Variants in CRYBG3 observed in about 807,000 individuals in gnomAD.
CRYBG3 encodes the protein very large A-kinase anchor protein.
CRYBG3 carries 127 observed loss-of-function variants against 244.2 expected under a neutral mutation model. The ratio of observed to expected loss-of-function variants is 0.52; its 90% CI spans 0.45 to 0.60. CRYBG3 has a LOEUF of 0.60. Ranked by LOEUF, CRYBG3 falls within the 20% of genes least tolerant of loss-of-function variation. The probability of loss-of-function intolerance (pLI) is 0.00; values close to 1 mark genes in which losing one functional copy is unlikely to be tolerated. For missense variants in CRYBG3, 3,325 were observed against 3,442.5 expected (o/e 0.97, Z 0.85); for synonymous variants, 1,132 against 1,195.8 (o/e 0.95, Z 1.10).
chr3:97,922,788 C>G (rs574517103), intron 17 of CRYBG3, among the ~76,000 whole-genome samples: 12 of 152,236 alleles, frequency 7.9e-5, no homozygotes, highest in African/African-American at 2.9e-4. Context: ...GGCGATTCCT[C>G]AAGGATCTAG....
At chr3:97,912,691 G>C (rs890744573) in intron 16 of CRYBG3, among the ~76,000 whole-genome samples, 2 of 151,966 alleles carry the variant, frequency 1.3e-5, no homozygotes, top group African/African-American at 2.4e-5. Context: ...GCAGAAACCA[G>C]GTTCAGAGTT....
chr3:97,858,498 T>C (rs1408731799), intron 2 of CRYBG3, among the ~76,000 whole-genome samples: 4 of 152,088 alleles, frequency 2.6e-5, no homozygotes, highest in Non-Finnish European at 5.9e-5. Context: ...TCCCATCTCT[T>C]TTCCTCCTAG....
chr3:97,942,759 C>G (rs2040259641), intron 21 of CRYBG3: 1 of 236,120 alleles, frequency 4.2e-6, no homozygotes, highest in African/African-American at 2.3e-5. Flanking sequence ...ACATCTCTAG[C>G]TTTTTGCCAG....
Position 97,871,919 on chromosome 3 carries a change from TA to T in CRYBG3, c.728del (p.Lys243SerfsTer9). On this transcript the variant is annotated frameshift_variant, in exon 4 of 22. Coordinates refer to ENST00000389622, the MANE Select transcript of CRYBG3 (RefSeq NM_153605.4). LOFTEE classifies it high-confidence loss of function. ...GGCCCAAGACACATTGGGAAATATT[TA>T]AAGCAACAGACAGGCTTGGCAACTG... ...YRGPRHIGKY[L>X]KQQTGLATVN... is the part of the protein sequence containing the mutation. The T allele has an allele frequency of 2.0e-6, 3 of 1,535,610 alleles. No individual in the cohort carries two copies. The highest frequency in any genetic ancestry group is 2.6e-6 in the Non-Finnish European group (3 of 1,146,636).
At position 97,875,246 on chromosome 3, in the gene CRYBG3, C is replaced by T; in HGVS notation, c.4052C>T (p.Pro1351Leu). 1 of 1,514,400 alleles carries T rather than the reference C, an allele frequency of 6.6e-7. No individual in the cohort carries two copies. The highest frequency in any genetic ancestry group is 8.8e-7 in the Non-Finnish European group (1 of 1,139,102). The allele number at this position is 1,514,400 out of a possible 1,614,324, so 93.8% of individuals were successfully genotyped here. A position where few individuals can be genotyped will look rare whatever the true frequency, so the allele number is the denominator to read the frequency against. ...SKILNSDSVK[P>L]HDVVREFLVS... ...ATTCTGAACAGTGATAGTGTTAAGCCACATGATGTAGTTAGAGAGTTCTTG... is the reference window on the plus strand; with the variant it reads ...ATTCTGAACAGTGATAGTGTTAAGCTACATGATGTAGTTAGAGAGTTCTTG... Residue 1351 changes from proline to leucine, a missense_variant, in exon 4 of 22, where the codon CCA becomes CTA. Pro to Leu is a moderately conservative substitution (Grantham distance 98, BLOSUM62 -3). Coordinates refer to ENST00000389622, the MANE Select transcript of CRYBG3 (RefSeq NM_153605.4).
At chr3:97,891,315 G>A (rs1407692071) in intron 10 of CRYBG3, among the ~76,000 whole-genome samples, 2 of 152,114 alleles carry the variant, frequency 1.3e-5, no homozygotes, top group Admixed American at 6.6e-5. Flanking sequence ...GTATTTGGGT[G>A]ACCCAAACAA....
chr3:97,904,625 C>T (rs1002682405), intron 15 of CRYBG3, among the ~76,000 whole-genome samples: 11 of 151,936 alleles, frequency 7.2e-5, no homozygotes, highest in Admixed American at 6.6e-4. Context: ...AGTTAGTGAA[C>T]AAGACAACCT....
intron 1 of CRYBG3, among the ~76,000 whole-genome samples, chr3:97,831,979 A>G (rs1424325898): frequency 6.6e-6 from 1 of 152,036 alleles, no homozygotes. Context: ...AGAAATAGCT[A>G]GAAAATCTTT....
At chr3:97,831,484 C>T (rs960943837) in intron 1 of CRYBG3, among the ~76,000 whole-genome samples, 1 of 152,066 alleles carries the variant, frequency 6.6e-6, no homozygotes, top group African/African-American at 2.4e-5. Context: ...TTCAGAGAGA[C>T]CTTGAGGCTG....
chr3:97,875,898 A>T lies in CRYBG3; in HGVS notation c.4704A>T (p.Ile1568=). The change falls in exon 4 of 22, where the codon ATA becomes ATT. Residue 1568 remains isoleucine (I), a synonymous_variant. Transcript: ENST00000389622. ...AATATGAGGCAGTCCCTCCTATGAT[A>T]GAAATGGGAAGAATACATAAAATGG... ...ILKYEAVPPM[I]EMGRIHKMDA... 2 of 1,232,060 alleles carry T rather than the reference A, an allele frequency of 1.6e-6. No individual in the cohort carries two copies. The allele number at this position is 1,232,060 out of a possible 1,614,324, so 76.3% of individuals were successfully genotyped here.
In CRYBG3 at chr3:97,877,106, A is replaced by G. The variant is rs1367849022; in HGVS notation, c.5912A>G (p.Tyr1971Cys). The change falls in exon 4 of 22, where the codon TAT becomes TGT. Residue 1971 changes from tyrosine (Y) to cysteine (C), a missense_variant. Coordinates refer to ENST00000389622, the MANE Select transcript of CRYBG3 (RefSeq NM_153605.4). Reference protein sequence around the residue: ...LDKRMSLTAIYDKRRETDYSD... With the variant: ...LDKRMSLTAICDKRRETDYSD... ...AAAAGAATGTCTCTTACTGCAATAT[A>G]TGACAAGAGGAGAGAGACAGATTAT... The G allele has an allele frequency of 6.2e-7, 1 of 1,613,384 alleles. No homozygotes were observed. Among genetic ancestry groups the G allele is most frequent in the Admixed American group, 1.7e-5 (1 of 59,954 alleles).
At chr3:97,858,257 A>C (rs1036864963) in intron 2 of CRYBG3, among the ~76,000 whole-genome samples, 2 of 151,488 alleles carry the variant, frequency 1.3e-5, no homozygotes, top group Non-Finnish European at 2.9e-5. Context: ...CTGTTATTCT[A>C]ATGGAGATTC....
chr3:97,824,169 T>C (rs966597141), intron 1 of CRYBG3, among the ~76,000 whole-genome samples: 3 of 152,192 alleles, frequency 2.0e-5, no homozygotes, highest in Admixed American at 6.5e-5. Context: ...AAAGCCTTTA[T>C]TGAAAGTTTA....
At chr3:97,833,000 C>G (rs1223548138) in intron 1 of CRYBG3, among the ~76,000 whole-genome samples, 6 of 152,228 alleles carry the variant, frequency 3.9e-5, no homozygotes, top group African/African-American at 1.4e-4. Context: ...AAATGCAAAT[C>G]AAAACCACAA....
chr3:97,942,532 T>TA, intron 21 of CRYBG3, 89 bp downstream of exon 21: 1 of 1,162,190 alleles, frequency 8.6e-7, no homozygotes, highest in East Asian at 2.5e-5. Flanking sequence ...CATCCTTATG[T>TA]ATAAGAGAAA....
chr3:97,920,270 A>G (rs949083466), intron 17 of CRYBG3, among the ~76,000 whole-genome samples: 2 of 152,240 alleles, frequency 1.3e-5, no homozygotes, highest in Admixed American at 1.3e-4. Flanking sequence ...TGGTCTCTCA[A>G]GTGTAGATGT....
At chr3:97,940,690 T>A (rs757440975) in intron 19 of CRYBG3, among the ~76,000 whole-genome samples, 6 of 151,994 alleles carry the variant, frequency 3.9e-5, no homozygotes, top group Non-Finnish European at 5.9e-5. Context: ...CCCTCAGCTA[T>A]CTGGGTTTTT....
rs73851090 is a variant in CRYBG3 at position 97,918,447 on chromosome 3, G to A, written c.8241+2711G>A. 6.4e-3 allele frequency among the ~76,000 whole-genome samples: 976 copies of A among 152,176 alleles called. 8 individuals are homozygous for A. The highest frequency in any genetic ancestry group is 0.021 in the African/African-American group (892 of 41,524). ...CTTAAGCAAATCTCTTAATTTATCT[G>A]TATCTCAGTTAATTCTTCTGTAAAG... On this transcript the variant is annotated intron_variant, in intron 17 of 21. Coordinates refer to ENST00000389622, the MANE Select transcript of CRYBG3 (RefSeq NM_153605.4).
intron 8 of CRYBG3, 99 bp from the exon 9 acceptor site, chr3:97,888,241 AT>A (rs748793147): frequency 6.1e-6 from 4 of 660,512 alleles, no homozygotes; most frequent in Non-Finnish European, 1.1e-5. Flanking sequence ...TAATTCTGTG[AT>A]GGAGGATTTT....
Sources: gnomAD v4.1 joint callset for allele counts (sites outside exome capture counted in the v4.1 genomes callset) on GRCh38, gnomAD v4.1.1 for gene constraint, MANE v1.5 for transcripts, NCBI Gene and HGNC (gene_info 2026-07-23, HGNC 2026-07-21) for gene names.